Variants in DPP10 observed in about 807,000 individuals in gnomAD.
DPP10 encodes the protein dipeptidyl peptidase like 10, also known as inactive dipeptidyl peptidase 10.
A neutral mutation model predicts 120.9 loss-of-function variants in DPP10; 33 were observed. That is an observed-to-expected ratio of 0.27 (90% confidence interval 0.21 to 0.37). DPP10 has a LOEUF of 0.37. Ranked by LOEUF, DPP10 falls within the 10% of genes least tolerant of loss-of-function variation. The pLI, the probability that DPP10 is intolerant of heterozygous loss-of-function variation, is 1.00. For synonymous variants in DPP10, 337 were observed against 326.1 expected (o/e 1.03, Z -0.36); for missense variants, 816 against 942.8 (o/e 0.87, Z 1.76).
At chr2:115,325,377 G>A (rs545002750) in intron 2 of DPP10, among the ~76,000 whole-genome samples, 1 of 152,112 alleles carries the variant, frequency 6.6e-6, no homozygotes, top group South Asian at 2.1e-4. Context: ...AATAGAATAA[G>A]GTTATTAAAG....
intron 1 of DPP10, among the ~76,000 whole-genome samples, chr2:114,869,318 G>T (rs183982073): frequency 3.7e-4 from 57 of 152,126 alleles, no homozygotes; most frequent in Admixed American, 7.2e-4. Flanking sequence ...GGTTTATTGC[G>T]CACTGTTTGT....
Position 115,652,944 on chromosome 2 carries a change from T to G in DPP10, c.442-36743T>G, listed in dbSNP as rs796460212. Among the ~76,000 whole-genome samples the G allele has an allele frequency of 2.0e-5, 3 of 152,030 alleles. No homozygotes were observed. The South Asian group carries it at 6.2e-4, about 31-fold the overall frequency. On this transcript the variant is annotated intron_variant, in intron 5 of 25. Coordinates refer to ENST00000410059, the MANE Select transcript of DPP10 (RefSeq NM_020868.6). ...TAAAACTAACCATCACAATTCATTA[T>G]GGCAATTTCAAAGAAGGAAAACATT...
chr2:114,629,612 G>T (rs761526923), intron 1 of DPP10, among the ~76,000 whole-genome samples: 1 of 152,020 alleles, frequency 6.6e-6, no homozygotes, highest in Non-Finnish European at 1.5e-5. Context: ...CATTTAATTG[G>T]CAAAAGGGCA....
At chr2:114,445,208 T>G (rs1037190239) in intron 1 of DPP10, among the ~76,000 whole-genome samples, 1 of 152,152 alleles carries the variant, frequency 6.6e-6, no homozygotes, top group Non-Finnish European at 1.5e-5. Context: ...TACTATCAAT[T>G]TACTATCAGA....
At chr2:115,609,617 C>T (rs7602082) in intron 5 of DPP10, among the ~76,000 whole-genome samples, 92,465 of 151,830 alleles carry the variant, frequency 0.61, 29,066 homozygotes, top group Middle Eastern at 0.76. Context: ...ACAAAAAAAC[C>T]CTGCTAAAAT....
At chr2:115,557,773 T>G (rs577911789) in intron 5 of DPP10, among the ~76,000 whole-genome samples, 2 of 152,250 alleles carry the variant, frequency 1.3e-5, no homozygotes, top group East Asian at 3.9e-4. Context: ...AAAGGCCTAC[T>G]CCTATTTGTC....
chr2:114,519,175 T>C (rs1335837936), intron 1 of DPP10, among the ~76,000 whole-genome samples: 1 of 152,196 alleles, frequency 6.6e-6, no homozygotes, highest in African/African-American at 2.4e-5. Context: ...CAGGTTGACA[T>C]TTGTCAGGTA....
chr2:115,058,747 C>CTT lies in DPP10; in HGVS notation c.61-250484_61-250483dup, dbSNP rs11482962. Among the ~76,000 whole-genome samples the CTT allele has an allele frequency of 2.4e-3, 356 of 150,990 alleles. 2 individuals are homozygous for CTT. The highest frequency in any genetic ancestry group is 0.021 in the Middle Eastern group (6 of 288). On this transcript the variant is annotated intron_variant, in intron 1 of 25. Coordinates refer to ENST00000410059, the MANE Select transcript of DPP10 (RefSeq NM_020868.6). ...CTGAAACAAAGAAAAAGTCAACAAT[C>CTT]TTTTTTTTTATTTTTTTATTTTTTG...
At chr2:115,506,637 A>T (rs1215211227) in intron 4 of DPP10, among the ~76,000 whole-genome samples, 2 of 152,252 alleles carry the variant, frequency 1.3e-5, no homozygotes, top group Non-Finnish European at 2.9e-5. Flanking sequence ...TTTAGGAAAG[A>T]TGCTTGAATT....
intron 1 of DPP10, among the ~76,000 whole-genome samples, chr2:114,966,929 C>G (rs891550880): frequency 1.3e-5 from 2 of 152,108 alleles, no homozygotes; most frequent in Non-Finnish European, 2.9e-5. Flanking sequence ...GTAATCCCAG[C>G]TACTTGGGAG....
At chr2:114,835,261 C>T (rs1440445505) in intron 1 of DPP10, 2 of 147,474 alleles carry the variant, frequency 1.4e-5, no homozygotes, top group African/African-American at 5.0e-5. Context: ...ATCTACACAC[C>T]TATGTATATA....
intron 1 of DPP10, among the ~76,000 whole-genome samples, chr2:114,785,532 C>A (rs536524566): frequency 5.9e-5 from 9 of 152,190 alleles, no homozygotes; most frequent in African/African-American, 2.2e-4. Flanking sequence ...ATGTGAAGTG[C>A]AAAAAGACAC....
intron 1 of DPP10, among the ~76,000 whole-genome samples, chr2:114,594,789 A>C (rs568929792): frequency 6.6e-6 from 1 of 151,946 alleles, no homozygotes; most frequent in African/African-American, 2.4e-5. Context: ...CATTGTTGCT[A>C]TCTTCCATTT....
chr2:115,752,974 C>G (rs1326546490), intron 10 of DPP10, among the ~76,000 whole-genome samples, 200 bp from the exon 11 acceptor site: 1 of 151,912 alleles, frequency 6.6e-6, no homozygotes. Context: ...TACATACATA[C>G]ACATATATTT....
intron 1 of DPP10, among the ~76,000 whole-genome samples, chr2:114,908,829 G>A (rs997728076): frequency 1.3e-5 from 2 of 151,288 alleles, no homozygotes; most frequent in African/African-American, 2.4e-5. Context: ...TGCATTTCTG[G>A]AATAAGTACA....
intron 5 of DPP10, among the ~76,000 whole-genome samples, chr2:115,636,145 CAAA>C (rs568939069): frequency 9.4e-6 from 1 of 106,938 alleles, no homozygotes; most frequent in Admixed American, 1.0e-4. Flanking sequence ...AGTCTAATCG[CAAA>C]AAAAAAAAAA....
chr2:114,916,199 G>A (rs144828054), intron 1 of DPP10, among the ~76,000 whole-genome samples: 5 of 152,106 alleles, frequency 3.3e-5, no homozygotes, highest in Non-Finnish European at 5.9e-5. Context: ...TATGAACACC[G>A]CTATTCACAT....
chr2:115,600,613 A>G (rs2083264122), intron 5 of DPP10, among the ~76,000 whole-genome samples: 1 of 152,204 alleles, frequency 6.6e-6, no homozygotes, highest in Non-Finnish European at 1.5e-5. Flanking sequence ...GCTCATTCAC[A>G]TTTAATTATC....
At chr2:114,538,650 C>A (rs1350050107) in intron 1 of DPP10, among the ~76,000 whole-genome samples, 1 of 152,110 alleles carries the variant, frequency 6.6e-6, no homozygotes, top group African/African-American at 2.4e-5. Context: ...TTTGAGGTAA[C>A]AAAGTAGCAC....
Sources: allele counts gnomAD v4.1 joint callset (sites outside exome capture counted in the v4.1 genomes callset), GRCh38; gene constraint gnomAD v4.1.1; transcripts MANE v1.5; gene names NCBI Gene and HGNC (gene_info 2026-07-23, HGNC 2026-07-21).